Variants in ZNF536 observed in about 807,000 individuals in gnomAD.
ZNF536 encodes the protein zinc finger protein 536.
Under a neutral mutation model 84.5 loss-of-function variants are expected in ZNF536, and 13 were observed. That is an observed-to-expected ratio of 0.15 (90% CI 0.10 to 0.24). The LOEUF (loss-of-function observed/expected upper bound fraction) is 0.24. Among genes scored for constraint, ZNF536 ranks in the 10% least tolerant of loss-of-function variants. The probability of loss-of-function intolerance (pLI) is 1.00; values close to 1 mark genes in which losing one functional copy is unlikely to be tolerated. For synonymous variants in ZNF536, 811 were observed against 742.5 expected (o/e 1.09, Z -1.50); for missense variants, 1,536 against 1,747.5 (o/e 0.88, Z 2.16).
At chr19:30,380,647 C>T (rs1350808942) in intron 1 of ZNF536, among the ~76,000 whole-genome samples, 1 of 152,226 alleles carries the variant, frequency 6.6e-6, no homozygotes, top group East Asian at 1.9e-4. Flanking sequence ...AGAAGGAAAT[C>T]TCTTGCCCTT....
At chr19:30,312,887 G>A (rs73016817) in intron 2 of ZNF536, among the ~76,000 whole-genome samples, 3,395 of 152,340 alleles carry the variant, frequency 0.022, 47 homozygotes, top group Non-Finnish European at 0.033. Context: ...TGCTGGGACC[G>A]TTTCCTCTTT....
At chr19:30,516,042 A>AG (rs397946315) in intron 2 of ZNF536, among the ~76,000 whole-genome samples, 1 of 151,106 alleles carries the variant, frequency 6.6e-6, no homozygotes, top group Non-Finnish European at 1.5e-5. Context: ...AAAAAAAAAA[A>AG]GAAAAAAAAG....
At chr19:30,654,130 C>A (rs374693992) in intron 1 of ZNF536, among the ~76,000 whole-genome samples, 1 of 152,138 alleles carries the variant, frequency 6.6e-6, no homozygotes, top group African/African-American at 2.4e-5. Flanking sequence ...TTGAAACAAG[C>A]GGGCTGCATA....
chr19:30,709,889 T>G (rs1439290737), intron 1 of ZNF536, among the ~76,000 whole-genome samples: 1 of 152,200 alleles, frequency 6.6e-6, no homozygotes, highest in Non-Finnish European at 1.5e-5. Flanking sequence ...AGTGTTGGGA[T>G]TCCAGGCGTG....
At chr19:30,395,362 C>T (rs566778935) in intron 1 of ZNF536, among the ~76,000 whole-genome samples, 5 of 152,314 alleles carry the variant, frequency 3.3e-5, no homozygotes, top group African/African-American at 1.2e-4. Flanking sequence ...ACCTAAGACA[C>T]ACATCTGGTT....
intron 2 of ZNF536, among the ~76,000 whole-genome samples, chr19:30,459,088 C>T (rs997027463): frequency 6.6e-6 from 1 of 152,200 alleles, no homozygotes; most frequent in Non-Finnish European, 1.5e-5. Flanking sequence ...GTTTGCCTCT[C>T]TTTATAAAGC....
At chr19:30,266,065 T>C (rs1284124502) in intron 1 of ZNF536, among the ~76,000 whole-genome samples, 1 of 151,248 alleles carries the variant, frequency 6.6e-6, no homozygotes, top group Non-Finnish European at 1.5e-5. Context: ...TAAATATTTT[T>C]AGAGACAGGG....
At chr19:30,457,146 C>A (rs2052893829) in intron 2 of ZNF536, among the ~76,000 whole-genome samples, 1 of 152,048 alleles carries the variant, frequency 6.6e-6, no homozygotes, top group South Asian at 2.1e-4. Flanking sequence ...GTGAGACAGA[C>A]ACATGGGAGG....
intron 1 of ZNF536, among the ~76,000 whole-genome samples, chr19:30,689,272 C>A (rs2051314658): frequency 6.6e-6 from 1 of 152,230 alleles, no homozygotes; most frequent in South Asian, 2.1e-4. Flanking sequence ...TTTACGCTAA[C>A]CTAACACTGG....
chr19:30,654,422 AC>A (rs2049827629), intron 1 of ZNF536, among the ~76,000 whole-genome samples: 1 of 120,882 alleles, frequency 8.3e-6, no homozygotes, highest in Non-Finnish European at 1.8e-5. Context: ...CCCCTTATTC[AC>A]CCCATCCCCA....
At chr19:30,293,523 G>A (rs189613845) in intron 2 of ZNF536, among the ~76,000 whole-genome samples, 10 of 152,158 alleles carry the variant, frequency 6.6e-5, no homozygotes, top group Admixed American at 4.6e-4. Flanking sequence ...CATTCCCCCC[G>A]CCTGCCAGCC....
At chr19:30,441,458 C>A (rs1271064669) in intron 1 of ZNF536, among the ~76,000 whole-genome samples, 1 of 152,228 alleles carries the variant, frequency 6.6e-6, no homozygotes, top group South Asian at 2.1e-4. Flanking sequence ...CTGCTCCTCC[C>A]TGCTGGATAG....
chr19:30,602,870 G>T (rs1462340317), intron 1 of ZNF536, among the ~76,000 whole-genome samples: 1 of 152,158 alleles, frequency 6.6e-6, no homozygotes, highest in Non-Finnish European at 1.5e-5. Flanking sequence ...CCTTAATCCT[G>T]CCTTTGAAAA....
At chr19:30,349,878 A>G (rs1363494663) in intron 2 of ZNF536, among the ~76,000 whole-genome samples, 1 of 152,164 alleles carries the variant, frequency 6.6e-6, no homozygotes, top group Non-Finnish European at 1.5e-5. Flanking sequence ...GCATCTTCAA[A>G]TGGAGAAGTA....
At chr19:30,307,889 G>T (rs750216583) in intron 2 of ZNF536, among the ~76,000 whole-genome samples, 12 of 152,182 alleles carry the variant, frequency 7.9e-5, no homozygotes, top group Admixed American at 7.2e-4. Context: ...CTTTGCAGAT[G>T]GGTTACACAT....
chr19:30,684,948 C>T (rs1478683034), intron 1 of ZNF536, among the ~76,000 whole-genome samples: 1 of 152,130 alleles, frequency 6.6e-6, no homozygotes, highest in African/African-American at 2.4e-5. Context: ...TTCAGTGCGT[C>T]TTCCAGGGGG....
chr19:30,225,864 C>A (rs2022584219), upstream of ZNF536, among the ~76,000 whole-genome samples: 1 of 145,952 alleles, frequency 6.9e-6, no homozygotes, highest in African/African-American at 2.6e-5. Flanking sequence ...GGTTCCTTCT[C>A]GCCCCATCGC....
intron 2 of ZNF536, among the ~76,000 whole-genome samples, chr19:30,480,388 C>T (rs1023308686): frequency 5.3e-5 from 8 of 152,174 alleles, no homozygotes; most frequent in East Asian, 1.9e-4. Context: ...GTTTGTTTTG[C>T]TCTGAATTGA....
chr19:30,693,030 G>A (rs1328640118), intron 1 of ZNF536, among the ~76,000 whole-genome samples: 1 of 151,402 alleles, frequency 6.6e-6, no homozygotes, highest in Admixed American at 6.6e-5. Flanking sequence ...GGGGGAGAGA[G>A]AGAGAGAGAG....
Sources: gnomAD v4.1 joint callset for allele counts (sites outside exome capture counted in the v4.1 genomes callset) on GRCh38, gnomAD v4.1.1 for gene constraint, MANE v1.5 for transcripts, NCBI Gene and HGNC (gene_info 2026-07-23, HGNC 2026-07-21) for gene names.